Variants in GLUL observed in about 807,000 individuals in gnomAD.
GLUL encodes the protein glutamine synthetase.
Under a neutral mutation model 36.9 loss-of-function variants are expected in GLUL, and 8 were observed. The ratio of observed to expected loss-of-function variants is 0.22; its 90% CI spans 0.13 to 0.39. The LOEUF (loss-of-function observed/expected upper bound fraction) is 0.39. GLUL is among the 10% of genes least tolerant of loss of function. The pLI is 1.00. For synonymous variants in GLUL, 182 were observed against 172.8 expected (o/e 1.05, Z -0.42); for missense variants, 315 against 501.8 (o/e 0.63, Z 3.56).
At chr1:182,387,328 T>C (rs1296577581) in intron 2 of GLUL, 36 bp from the exon 3 acceptor site, 14 of 1,532,912 alleles carry the variant, frequency 9.1e-6, no homozygotes, top group East Asian at 2.2e-5. Flanking sequence ...ATTTAAAACA[T>C]ACAGGAGCTT....
At chr1:182,390,601 C>T (rs1463311172) in intron 1 of GLUL, 5 of 399,134 alleles carry the variant, frequency 1.3e-5, no homozygotes, top group Non-Finnish European at 2.2e-5. Flanking sequence ...CTAGCTGGTC[C>T]AAGCACCGGA....
intron 1 of GLUL, chr1:182,390,959 CAG>C (rs1427916501): frequency 2.5e-5 from 10 of 398,052 alleles, no homozygotes; most frequent in Admixed American, 8.8e-5. Context: ...GTCCGAATCT[CAG>C]GGCCTCACGG....
In GLUL at chr1:182,386,376, G is replaced by A. The variant is rs771501078; in HGVS notation, c.355C>T (p.Arg119Trp). The change falls in exon 4 of 7, where the codon CGG (arginine) becomes TGG (tryptophan). Residue 119 changes from arginine to tryptophan, a missense_variant. Transcript: ENST00000331872. The part of the protein sequence containing the change: ...AETNLRHTCK[R>W]IMDMVSNQHP... ...TGGTTGCTCACCATGTCCATTATCCGTTTACAGGTGTGCCTCAAATTGGTC... is the reference window on the plus strand; with the variant it reads ...TGGTTGCTCACCATGTCCATTATCCATTTACAGGTGTGCCTCAAATTGGTC... 30 of 1,612,104 alleles carry A rather than the reference G, an allele frequency of 1.9e-5. No individual in the cohort carries two copies. Among genetic ancestry groups the A allele is most frequent in the East Asian group, 2.2e-5 (1 of 44,878 alleles).
Position 182,386,956 on chromosome 1 carries a change from T to C in GLUL, c.328+175A>G. 6 of 675,410 alleles carry C rather than the reference T, an allele frequency of 8.9e-6. No homozygotes were observed. In the Admixed American group the frequency reaches 1.1e-4, roughly 12 times the overall value. 41.8% of individuals were successfully genotyped at this position (675,410 alleles called of 1,614,324 possible). ...ACCAACAGAGAAGACCATAGAAAGA[T>C]GGGCCATATTATCTCTTCCTCAAAG... On this transcript the variant is annotated intron_variant, in intron 3 of 6. Transcript: ENST00000331872.
chr1:182,387,047 A>C (rs1650213024), intron 3 of GLUL, 84 bp downstream of exon 3: 6 of 1,079,188 alleles, frequency 5.6e-6, no homozygotes, highest in Non-Finnish European at 8.7e-6. Flanking sequence ...AGTCTTCCCA[A>C]TGCTGATTTC....
At chr1:182,386,891 C>T (rs116822259) in intron 3 of GLUL, 12 of 572,846 alleles carry the variant, frequency 2.1e-5, no homozygotes, top group East Asian at 1.2e-4. Context: ...ACTCCAAGAC[C>T]GGCAAACAGA....
intron 6 of GLUL, chr1:182,385,153 T>C: frequency 1.8e-6 from 1 of 564,154 alleles, no homozygotes; most frequent in African/African-American, 1.9e-5. Context: ...TTATTTGGTA[T>C]TTTTCAAATA....
chr1:182,388,036 G>A (rs1650255979), intron 2 of GLUL, among the ~76,000 whole-genome samples: 1 of 152,170 alleles, frequency 6.6e-6, no homozygotes, highest in Non-Finnish European at 1.5e-5. Context: ...GAAAAATGAA[G>A]GTCACAACTA....
rs987864622 is a variant in GLUL, at chr1:182,386,875, C to T, written c.328+256G>A. 11 of 556,192 alleles carry T rather than the reference C, an allele frequency of 2.0e-5. No individual in the cohort carries two copies. The African/African-American group carries it at 2.1e-4, about 11-fold the overall frequency. The allele number at this position is 556,192 out of a possible 1,614,324, so 34.5% of individuals were successfully genotyped here. A position where few individuals can be genotyped will look rare whatever the true frequency, so the allele number is the denominator to read the frequency against. On this transcript the variant is annotated intron_variant, in intron 3 of 6. Coordinates refer to ENST00000331872, the MANE Select transcript of GLUL (RefSeq NM_001033044.4). ...TACATTCCAGGCAGGAAGGCTGTTACTGGGGACTCCAAGACCGGCAAACAG... is the reference window on the plus strand; with the variant it reads ...TACATTCCAGGCAGGAAGGCTGTTATTGGGGACTCCAAGACCGGCAAACAG...
chr1:182,384,856 T>C (rs1650103815), intron 6 of GLUL, 133 bp from the exon 7 acceptor site: 1 of 736,730 alleles, frequency 1.4e-6, no homozygotes, highest in African/African-American at 1.7e-5. Flanking sequence ...TACCTGTGTG[T>C]CTCAGTGGTG....
In GLUL at chr1:182,379,662, G is replaced by A. The variant is rs1261563485; in HGVS notation, c.*4743C>T. Among the ~76,000 whole-genome samples the A allele has an allele frequency of 4.0e-5, 6 of 151,750 alleles. No homozygotes were observed. The East Asian group carries it at 1.2e-3, about 29-fold the overall frequency. On this transcript the variant is annotated 3_prime_UTR_variant, in exon 7 of 7. Transcript: ENST00000331872. ...TAATCTTCCCACCTCAGCCTCCCAG[G>A]TAGCTAGGACTACAGGTGCATGCCA...
Position 182,385,703 on chromosome 1 carries a change from A to G in GLUL, c.603+57T>C, listed in dbSNP as rs189707047. On this transcript the variant is annotated intron_variant, in intron 5 of 6. Coordinates refer to ENST00000331872, the MANE Select transcript of GLUL (RefSeq NM_001033044.4). ...GGTGTATCAGCAGCCCTTACTAGCA[A>G]AAGTCCTATGTACACCTACCTACCC... 893 of 1,607,224 alleles carry G rather than the reference A, an allele frequency of 5.6e-4. 6 individuals carry two copies. In the East Asian group the frequency reaches 0.012, roughly 22 times the overall value.
Position 182,381,035 on chromosome 1 carries a change from C to A in GLUL, c.*3370G>T, listed in dbSNP as rs1457051282. Among the ~76,000 whole-genome samples, 2 of 152,168 alleles carry A rather than the reference C, an allele frequency of 1.3e-5. No individual in the cohort carries two copies. Among genetic ancestry groups the A allele is most frequent in the East Asian group, 3.9e-4 (2 of 5,190 alleles). On this transcript the variant is annotated 3_prime_UTR_variant, in exon 7 of 7. Coordinates refer to ENST00000331872, the MANE Select transcript of GLUL (RefSeq NM_001033044.4). ...GAGGTGGAGGAGTTCAAGACCAGTT[C>A]AAGACCTCACTTTGGGAGATCAGGA...
At position 182,384,462 on chromosome 1, in the gene GLUL, G is replaced by A. The variant is rs1380379891; in HGVS notation, c.1065C>T (p.Leu355=). Residue 355 remains leucine (L), a synonymous_variant, in exon 7 of 7, where the codon CTC becomes CTT. Coordinates refer to ENST00000331872, the MANE Select transcript of GLUL (RefSeq NM_001033044.4). ...TTTCATTGAGAAGACACGTGCGGAT[G>A]AGGGCTTCTGTCACCGAAAAGGGGT... ...NCDPFSVTEA[L]IRTCLLNETG... is the part of the protein sequence containing the mutation. The A allele has an allele frequency of 1.2e-6, 2 of 1,613,854 alleles. No individual in the cohort carries two copies. The highest frequency in any genetic ancestry group is 1.1e-5 in the South Asian group (1 of 91,080).
Position 182,387,307 on chromosome 1 carries a change from G to C in GLUL, c.167-15C>G. ...CTCAGGCAACTCTGGGGCAAAAAGA[G>C]GGAAAATTACATTTAAAACATACAG... On this transcript the variant is annotated splice_polypyrimidine_tract_variant and intron_variant, in intron 2 of 6. Coordinates refer to ENST00000331872, the MANE Select transcript of GLUL (RefSeq NM_001033044.4). 6.2e-7 allele frequency: 1 copy of C among 1,603,964 alleles called. No individual in the cohort carries two copies. Among genetic ancestry groups the C allele is most frequent in the Admixed American group, 1.7e-5 (1 of 60,006 alleles).
chr1:182,384,994 G>A, intron 6 of GLUL: 1 of 438,628 alleles, frequency 2.3e-6, no homozygotes, highest in Non-Finnish European at 4.1e-6. Flanking sequence ...AGTTCTAAAA[G>A]ATTTTCAAAT....
Position 182,385,907 on chromosome 1 carries a change from A to G in GLUL, c.476-20T>C. 9 of 1,612,638 alleles carry G rather than the reference A, an allele frequency of 5.6e-6. No individual in the cohort carries two copies. The highest frequency in any genetic ancestry group is 7.6e-6 in the Non-Finnish European group (9 of 1,178,646). Reference sequence around the variant, plus strand: ...ATGGACCTACAGAAGCATCAGGACAAAACACTAAGAGTCAAGAAATCCAGA... The same window carrying G: ...ATGGACCTACAGAAGCATCAGGACAGAACACTAAGAGTCAAGAAATCCAGA... On this transcript the variant is annotated intron_variant, in intron 4 of 6. Transcript: ENST00000331872.
chr1:182,385,668 G>A, intron 5 of GLUL, 92 bp downstream of exon 5: 1 of 1,565,076 alleles, frequency 6.4e-7, no homozygotes, highest in Non-Finnish European at 8.8e-7. Context: ...TAGGTTTTGG[G>A]TTAGTGAGTG....
chr1:182,382,928 G>C lies in GLUL; in HGVS notation c.*1477C>G, dbSNP rs1649999567. 6.6e-6 allele frequency: 1 copy of C among 151,904 alleles called. No individual in the cohort carries two copies. The highest frequency in any genetic ancestry group is 1.5e-5 in the Non-Finnish European group (1 of 68,006). The allele number at this position is 151,904 out of a possible 1,614,324, so 9.4% of individuals were successfully genotyped here. A position where few individuals can be genotyped will look rare whatever the true frequency, so the allele number is the denominator to read the frequency against. ...AGGCTGATTTATAAGTGCTGCTTTG[G>C]GCAGTTACACAGTTTGTTTACAATG... On this transcript the variant is annotated 3_prime_UTR_variant, in exon 7 of 7. Coordinates refer to ENST00000331872, the MANE Select transcript of GLUL (RefSeq NM_001033044.4).
Sources: allele counts gnomAD v4.1 joint callset (sites outside exome capture counted in the v4.1 genomes callset), GRCh38; gene constraint gnomAD v4.1.1; transcripts MANE v1.5; gene names NCBI Gene and HGNC (gene_info 2026-07-23, HGNC 2026-07-21).